Variants in PRKAR1B observed in about 807,000 individuals in gnomAD.
PRKAR1B encodes the protein protein kinase cAMP-dependent type I regulatory subunit beta.
PRKAR1B carries 22 observed loss-of-function variants against 46.5 expected under a neutral mutation model. The observed-to-expected ratio is 0.47, with a 90% confidence interval of 0.34 to 0.68. The LOEUF (loss-of-function observed/expected upper bound fraction) is 0.68, where lower values mean the gene tolerates loss of function less well. Among genes scored for constraint, PRKAR1B ranks in the 30% least tolerant of loss-of-function variants. The probability of loss-of-function intolerance (pLI) is 0.01; values close to 1 mark genes in which losing one functional copy is unlikely to be tolerated. For missense variants in PRKAR1B, 445 were observed against 535.6 expected (o/e 0.83, Z 1.67); for synonymous variants, 259 against 217.7 (o/e 1.19, Z -1.67).
chr7:669,403 AC>A (rs1786099870), intron 4 of PRKAR1B, among the ~76,000 whole-genome samples: 1 of 152,210 alleles, frequency 6.6e-6, no homozygotes, highest in Non-Finnish European at 1.5e-5. Flanking sequence ...AATTTTGGAA[AC>A]AAAGAGTGGT....
chr7:681,265 G>A (rs562848816), intron 2 of PRKAR1B, among the ~76,000 whole-genome samples: 56 of 149,376 alleles, frequency 3.7e-4, no homozygotes, highest in Admixed American at 1.0e-3. Context: ...TGTAAACTAC[G>A]CAGTCTTGGG....
rs1412848773 is a variant in PRKAR1B at position 644,882 on chromosome 7, G to C, written c.440+32347C>G. Reference sequence around the variant, plus strand: ...TGCTGCAGAGCTGAGTCCTGGGCCTGCTCAGAGGCCGCCCAGGCCACCCCG... The same window carrying C: ...TGCTGCAGAGCTGAGTCCTGGGCCTCCTCAGAGGCCGCCCAGGCCACCCCG... On this transcript the variant is annotated intron_variant, in intron 4 of 10. Transcript: ENST00000537384. This position sits in a 1 kb window ranked among gnomAD's most constrained non-coding sequence, Gnocchi z 4.9. Among the ~76,000 whole-genome samples, 1 of 152,164 alleles carries C rather than the reference G, an allele frequency of 6.6e-6. No individual in the cohort carries two copies. The highest frequency in any genetic ancestry group is 1.9e-4 in the East Asian group (1 of 5,188).
At chr7:685,525 G>A (rs1476241646) in intron 2 of PRKAR1B, among the ~76,000 whole-genome samples, 3 of 150,770 alleles carry the variant, frequency 2.0e-5, no homozygotes, top group Non-Finnish European at 2.9e-5. Context: ...AAGAACATGA[G>A]TGTCTTGGTT....
chr7:660,419 C>A (rs1450559572), intron 4 of PRKAR1B, among the ~76,000 whole-genome samples: 3 of 148,474 alleles, frequency 2.0e-5, no homozygotes, highest in Non-Finnish European at 3.0e-5. Flanking sequence ...TACCTACTCT[C>A]CCCCCAGTGC....
At chr7:578,218 G>A (rs148972167) in intron 9 of PRKAR1B, among the ~76,000 whole-genome samples, 62 of 152,244 alleles carry the variant, frequency 4.1e-4, no homozygotes, top group African/African-American at 7.7e-4. Flanking sequence ...GGAGTCCCTC[G>A]CCGGCACCCG....
At chr7:670,679 C>G (rs113645362) in intron 4 of PRKAR1B, among the ~76,000 whole-genome samples, 259 of 66,046 alleles carry the variant, frequency 3.9e-3, no homozygotes, top group Middle Eastern at 0.013. Flanking sequence ...ACTCAGGACC[C>G]AGGACGGCCT....
At chr7:641,950 T>G (rs1784412237) in intron 4 of PRKAR1B, among the ~76,000 whole-genome samples, 1 of 152,098 alleles carries the variant, frequency 6.6e-6, no homozygotes, top group Non-Finnish European at 1.5e-5. Flanking sequence ...GTCACCCAGA[T>G]TAGGGCACAG....
rs181953410 is a variant in PRKAR1B, at chr7:556,717, C to T, written c.892-5247G>A. On this transcript the variant is annotated intron_variant, in intron 9 of 10. Coordinates refer to ENST00000537384, the MANE Select transcript of PRKAR1B (RefSeq NM_001164760.2). ...CCTGTGGATCGGGAACAGTTCCCCA[C>T]GCACCTCCGGCACGTCGACCCTCCA... Among the ~76,000 whole-genome samples, 408 of 152,286 alleles carry T rather than the reference C, an allele frequency of 2.7e-3. 2 individuals are homozygous for T. The highest frequency in any genetic ancestry group is 9.4e-3 in the African/African-American group (391 of 41,578).
At chr7:605,707 C>G (rs1781994543) in intron 6 of PRKAR1B, among the ~76,000 whole-genome samples, 2 of 152,172 alleles carry the variant, frequency 1.3e-5, no homozygotes, top group Admixed American at 6.5e-5. Context: ...CGACTCACGG[C>G]TGGGACGTTC....
intron 7 of PRKAR1B, among the ~76,000 whole-genome samples, chr7:594,195 T>C (rs940581542): frequency 5.3e-5 from 8 of 152,140 alleles, no homozygotes; most frequent in South Asian, 2.1e-4. Flanking sequence ...CAGGCTGGCC[T>C]TCCAGGAGTC....
chr7:620,329 G>A (rs983409094), intron 4 of PRKAR1B, among the ~76,000 whole-genome samples: 1 of 152,156 alleles, frequency 6.6e-6, no homozygotes, highest in African/African-American at 2.4e-5. Context: ...TGTCCTTATA[G>A]AGGTTTAAAA....
At chr7:605,965 C>A (rs1364901883) in intron 6 of PRKAR1B, among the ~76,000 whole-genome samples, 1 of 152,356 alleles carries the variant, frequency 6.6e-6, no homozygotes, top group South Asian at 2.1e-4. Context: ...CCTGGAAAAC[C>A]TGAGGCCGCT....
chr7:663,219 G>C (rs1457715153), intron 4 of PRKAR1B, among the ~76,000 whole-genome samples: 1 of 152,100 alleles, frequency 6.6e-6, no homozygotes, highest in Non-Finnish European at 1.5e-5. Flanking sequence ...ATTGATGTGT[G>C]TTTATTTTTA....
chr7:686,970 C>G (rs1212374960), intron 2 of PRKAR1B, among the ~76,000 whole-genome samples: 2 of 152,150 alleles, frequency 1.3e-5, no homozygotes, highest in Non-Finnish European at 2.9e-5. Flanking sequence ...TGTGTGGACA[C>G]TAGAAAGAAA....
chr7:697,323 C>T (rs1481047228), intron 2 of PRKAR1B, among the ~76,000 whole-genome samples: 18 of 152,152 alleles, frequency 1.2e-4, no homozygotes, highest in Non-Finnish European at 1.6e-4. Flanking sequence ...GAAGCCTACA[C>T]GCAGGGATTA....
intron 1 of PRKAR1B, chr7:726,504 A>G (rs1460549832): frequency 1.0e-5 from 4 of 383,918 alleles, no homozygotes; most frequent in South Asian, 2.9e-4. Flanking sequence ...CATCTGTACA[A>G]TGGGGACAGG....
chr7:567,463 T>C (rs920202471), intron 9 of PRKAR1B, among the ~76,000 whole-genome samples: 2 of 145,470 alleles, frequency 1.4e-5, no homozygotes, highest in African/African-American at 5.1e-5. Context: ...ATCATCACTA[T>C]CACCATCATC....
At chr7:559,266 G>C (rs1200942837) in intron 9 of PRKAR1B, among the ~76,000 whole-genome samples, 1 of 152,188 alleles carries the variant, frequency 6.6e-6, no homozygotes, top group Non-Finnish European at 1.5e-5. Flanking sequence ...CCAGCCACCA[G>C]CAAAGTGGCC....
intron 8 of PRKAR1B, among the ~76,000 whole-genome samples, chr7:581,909 G>A (rs1291606969): frequency 2.0e-5 from 3 of 151,992 alleles, no homozygotes; most frequent in Non-Finnish European, 4.4e-5. Flanking sequence ...TGGAGAGACA[G>A]GAACTCGCTA....
Sources: allele counts gnomAD v4.1 joint callset (sites outside exome capture counted in the v4.1 genomes callset), GRCh38; gene constraint gnomAD v4.1.1; non-coding constraint Gnocchi (gnomAD v3.1); transcripts MANE v1.5; gene names NCBI Gene and HGNC (gene_info 2026-07-23, HGNC 2026-07-21).